RAPGEF2: variants seen among roughly 807,000 people sequenced by gnomAD.
RAPGEF2 encodes the protein Rap guanine nucleotide exchange factor 2, also known as PDZ domain containing guanine nucleotide exchange factor (GEF) 1.
A neutral mutation model predicts 186.7 loss-of-function variants in RAPGEF2; 54 were observed. That is an observed-to-expected ratio of 0.29 (90% CI 0.23 to 0.36). The LOEUF (loss-of-function observed/expected upper bound fraction) is 0.36, where lower values mean the gene tolerates loss of function less well. Ranked by LOEUF, RAPGEF2 falls within the 10% of genes least tolerant of loss-of-function variation. The pLI is 1.00. For missense variants in RAPGEF2, 1,532 were observed against 2,045.0 expected (o/e 0.75, Z 4.84); for synonymous variants, 712 against 705.9 (o/e 1.01, Z -0.14).
rs762362433 is a variant in RAPGEF2, at chr4:159,243,795, T to C, written c.543+4T>C. ...AAAGGAATGCACTAAATCTCAGGTA[T>C]TGTAATTTGTGTGTGGTCTTCTGAC... On this transcript the variant is annotated splice_donor_region_variant and intron_variant, in intron 7 of 29. Coordinates refer to ENST00000691494, the MANE Select transcript of RAPGEF2 (RefSeq NM_001394067.2). 2.3e-6 allele frequency: 3 copies of C among 1,280,652 alleles called. No individual in the cohort carries two copies. The East Asian group carries it at 1.7e-4, about 71-fold the overall frequency. 79.3% of individuals were successfully genotyped at this position (1,280,652 alleles called of 1,614,324 possible).
chr4:159,208,358 G>A (rs1243230076), intron 3 of RAPGEF2, among the ~76,000 whole-genome samples: 1 of 152,184 alleles, frequency 6.6e-6, no homozygotes, highest in Non-Finnish European at 1.5e-5. Context: ...CGTGCATATG[G>A]TTCATGGGGA....
rs181761137 is a variant in RAPGEF2 at position 159,146,638 on chromosome 4, T to C, written c.70-40004T>C. 2.6e-5 allele frequency among the ~76,000 whole-genome samples: 4 copies of C among 152,336 alleles called. No homozygotes were observed. In the East Asian group the frequency reaches 7.7e-4, roughly 29 times the overall value. On this transcript the variant is annotated intron_variant, in intron 1 of 29. Transcript: ENST00000691494. ...GTCTGTATATGTAATAATAGTAGCA[T>C]GGAGAGGTGACCTAACTTGTTCAAG...
chr4:159,122,235 C>A (rs1739774268), intron 1 of RAPGEF2, among the ~76,000 whole-genome samples: 1 of 151,906 alleles, frequency 6.6e-6, no homozygotes, highest in Non-Finnish European at 1.5e-5. Flanking sequence ...AATCCCAGCA[C>A]TTTGGGAAGC....
intron 1 of RAPGEF2, among the ~76,000 whole-genome samples, chr4:159,105,053 A>C (rs1280263025): frequency 6.6e-6 from 1 of 151,920 alleles, no homozygotes; most frequent in Admixed American, 6.6e-5. Context: ...CTGCAGGCTT[A>C]CTCTTCTCTT....
rs116211477 is a variant in RAPGEF2 at position 159,185,953 on chromosome 4, A to C, written c.70-689A>C. Among the ~76,000 whole-genome samples the C allele has an allele frequency of 3.3e-3, 495 of 152,216 alleles. 5 individuals are homozygous for C. The highest frequency in any genetic ancestry group is 0.012 in the African/African-American group (479 of 41,550). On this transcript the variant is annotated intron_variant, in intron 1 of 29. Transcript: ENST00000691494. Reference sequence around the variant, plus strand: ...TTCTTGATGTCAGAAACTATGTGTAATCCTAGACTCCTAGATATTAGAGTC... The same window carrying C: ...TTCTTGATGTCAGAAACTATGTGTACTCCTAGACTCCTAGATATTAGAGTC...
intron 1 of RAPGEF2, among the ~76,000 whole-genome samples, chr4:159,117,823 A>G (rs534021621): frequency 3.4e-4 from 51 of 152,236 alleles, no homozygotes; most frequent in African/African-American, 1.1e-3. Context: ...TCACCTATTT[A>G]CTATACCAAG....
chr4:159,337,785 G>A (rs1285678665), intron 17 of RAPGEF2, among the ~76,000 whole-genome samples: 3 of 150,102 alleles, frequency 2.0e-5, no homozygotes, highest in African/African-American at 4.9e-5. Flanking sequence ...AGCTACTCAG[G>A]AGGCTGAGGC....
At chr4:159,165,339 A>G (rs962979433) in intron 1 of RAPGEF2, among the ~76,000 whole-genome samples, 3 of 152,090 alleles carry the variant, frequency 2.0e-5, no homozygotes, top group Admixed American at 1.3e-4. Flanking sequence ...ATTTTTTCCT[A>G]CCTGGTTCAT....
At chr4:159,143,796 C>T (rs891634031) in intron 1 of RAPGEF2, among the ~76,000 whole-genome samples, 3 of 152,086 alleles carry the variant, frequency 2.0e-5, no homozygotes, top group Admixed American at 6.6e-5. Flanking sequence ...GAGCAAATGC[C>T]TGCCTTTTTG....
In RAPGEF2 at chr4:159,314,662, C is replaced by T. The variant is rs189762134; in HGVS notation, c.747C>T (p.Asp249=). ...AAACAGCAGTGGATTCCGAAGACGA[C>T]GACGATGAAGAAGACATTGAGAGAG... is the stretch of plus-strand genomic sequence containing the variant. The part of the protein sequence containing the change: ...LPETAVDSED[D]DDEEDIERAS... The change falls in exon 9 of 30, where the codon GAC becomes GAT. Residue 249 remains aspartate, a synonymous_variant. Transcript: ENST00000691494. The T allele has an allele frequency of 3.8e-5, 61 of 1,613,738 alleles. No individual in the cohort carries two copies. The East Asian group carries it at 1.0e-3, about 28-fold the overall frequency.
intron 11 of RAPGEF2, 23 bp from the exon 12 acceptor site, chr4:159,329,835 A>G: frequency 6.2e-7 from 1 of 1,600,624 alleles, no homozygotes; most frequent in Non-Finnish European, 8.5e-7. Flanking sequence ...TATCATTAAC[A>G]TGTGACTTAT....
chr4:159,247,085 T>G (rs1754722339), intron 7 of RAPGEF2, among the ~76,000 whole-genome samples: 1 of 152,258 alleles, frequency 6.6e-6, no homozygotes, highest in South Asian at 2.1e-4. Flanking sequence ...ACCTGAAGGC[T>G]TGTCTTCAAT....
chr4:159,188,089 G>A (rs1747731877), intron 2 of RAPGEF2, among the ~76,000 whole-genome samples: 1 of 152,136 alleles, frequency 6.6e-6, no homozygotes, highest in African/African-American at 2.4e-5. Flanking sequence ...ATTAGAGCAA[G>A]AATAATTTTT....
chr4:159,347,749 ACTC>A (rs752345563), intron 25 of RAPGEF2, among the ~76,000 whole-genome samples: 21 of 152,324 alleles, frequency 1.4e-4, no homozygotes, highest in Non-Finnish European at 2.2e-4. Context: ...GCACCGCTGC[ACTC>A]CTCCAGCCTG....
chr4:159,246,353 A>G (rs187630730), intron 7 of RAPGEF2, among the ~76,000 whole-genome samples: 14 of 152,284 alleles, frequency 9.2e-5, no homozygotes, highest in Non-Finnish European at 1.5e-4. Flanking sequence ...TGATAATACA[A>G]TATTTTTAAA....
At chr4:159,298,342 T>C (rs1374545915) in intron 7 of RAPGEF2, among the ~76,000 whole-genome samples, 1 of 152,188 alleles carries the variant, frequency 6.6e-6, no homozygotes, top group Non-Finnish European at 1.5e-5. Flanking sequence ...ATGGGTGTTG[T>C]ATCTAGGGTA....
intron 7 of RAPGEF2, among the ~76,000 whole-genome samples, chr4:159,286,030 A>ACCC (rs1554026580): frequency 1.1e-5 from 1 of 89,232 alleles, no homozygotes; most frequent in Non-Finnish European, 2.4e-5. Flanking sequence ...TGTTCCCCCC[A>ACCC]ACCACCACCA....
In RAPGEF2 at chr4:159,121,788, T is replaced by C. The variant is rs1579236948; in HGVS notation, c.69+17557T>C. ...GCTCATGCCTGTAATCGCAGCACTT[T>C]GGGAGGCCGAGGCGGGCGGATCACA... On this transcript the variant is annotated intron_variant, in intron 1 of 29. Coordinates refer to ENST00000691494, the MANE Select transcript of RAPGEF2 (RefSeq NM_001394067.2). Among the ~76,000 whole-genome samples the C allele has an allele frequency of 2.0e-5, 3 of 151,472 alleles. No individual in the cohort carries two copies. In the South Asian group the frequency reaches 6.3e-4, roughly 32 times the overall value.
intron 1 of RAPGEF2, among the ~76,000 whole-genome samples, chr4:159,141,324 C>T (rs1156754127): frequency 1.3e-5 from 2 of 152,134 alleles, no homozygotes; most frequent in Non-Finnish European, 1.5e-5. Flanking sequence ...TCTTGCCTTT[C>T]CTTTTAAATA....
Sources: gnomAD v4.1 joint callset for allele counts (sites outside exome capture counted in the v4.1 genomes callset) on GRCh38, gnomAD v4.1.1 for gene constraint, MANE v1.5 for transcripts, NCBI Gene and HGNC (gene_info 2026-07-23, HGNC 2026-07-21) for gene names.